The following COLGALT2 variants were observed in gnomAD, a reference collection of about 807,000 sequenced individuals.
COLGALT2 encodes collagen beta(1-O)galactosyltransferase 2.
In COLGALT2, 49 loss-of-function variants were observed where a neutral mutation model predicts 73.4. The ratio of observed to expected loss-of-function variants is 0.67; its 90% confidence interval spans 0.53 to 0.85. The LOEUF is 0.85. Ranked by LOEUF, COLGALT2 falls within the 40% of genes least tolerant of loss-of-function variation. The pLI is 0.00. For synonymous variants in COLGALT2, 295 were observed against 307.6 expected, an observed-to-expected ratio of 0.96 and a Z score of 0.43; for missense variants, 722 against 790.2, an observed-to-expected ratio of 0.91 and a Z score of 1.03.
At chr1:183,974,928 G>T (rs1481914432) in intron 3 of COLGALT2, among the ~76,000 whole-genome samples, 169 bp downstream of exon 3, 7 of 152,130 alleles carry the variant, frequency 4.6e-5, no homozygotes, top group African/African-American at 1.4e-4. Context: ...AGTCCAGGTA[G>T]CCCAATTTTA....
chr1:183,933,596 C>T (rs1243353443), downstream of COLGALT2, among the ~76,000 whole-genome samples: 2 of 152,202 alleles, frequency 1.3e-5, no homozygotes, highest in Admixed American at 6.5e-5. Context: ...AAGAAACTGT[C>T]GCTGATTAAT....
intron 8 of COLGALT2, among the ~76,000 whole-genome samples, chr1:183,947,900 A>G (rs2102793524): frequency 6.6e-6 from 1 of 152,274 alleles, no homozygotes; most frequent in African/African-American, 2.4e-5. Flanking sequence ...TCAAGAATGA[A>G]AGAGGGGTCA....
chr1:183,961,326 T>C (rs902906471), intron 6 of COLGALT2, among the ~76,000 whole-genome samples: 2 of 152,118 alleles, frequency 1.3e-5, no homozygotes, highest in African/African-American at 4.8e-5. Context: ...AAATCTTTAT[T>C]GATGACACGT....
chr1:183,992,820 A>T (rs1382982140), intron 1 of COLGALT2, among the ~76,000 whole-genome samples: 1 of 152,144 alleles, frequency 6.6e-6, no homozygotes, highest in Non-Finnish European at 1.5e-5. Flanking sequence ...AATGGGTAAA[A>T]TCCCCCAGTT....
intron 1 of COLGALT2, among the ~76,000 whole-genome samples, chr1:184,024,181 A>G (rs1649259464): frequency 6.6e-6 from 1 of 152,148 alleles, no homozygotes. Context: ...AGCCTATGCA[A>G]CCCTCATTGT....
chr1:184,013,266 G>C (rs1648871259), intron 1 of COLGALT2, among the ~76,000 whole-genome samples: 1 of 152,250 alleles, frequency 6.6e-6, no homozygotes, highest in African/African-American at 2.4e-5. Context: ...AGCGAGCCAA[G>C]ACTGTGCCAC....
At chr1:184,032,124 G>C (rs1649532898) in intron 1 of COLGALT2, among the ~76,000 whole-genome samples, 1 of 151,908 alleles carries the variant, frequency 6.6e-6, no homozygotes, top group Admixed American at 6.5e-5. Flanking sequence ...GAACTCCTTG[G>C]CTTAAGAAAT....
intron 1 of COLGALT2, among the ~76,000 whole-genome samples, chr1:184,024,934 A>G (rs917042040): frequency 6.6e-6 from 1 of 152,214 alleles, no homozygotes; most frequent in Non-Finnish European, 1.5e-5. Context: ...AGTCTGGCCA[A>G]TGGGCTTGGA....
At chr1:183,954,680 C>T in intron 7 of COLGALT2, 82 bp downstream of exon 7, 1 of 1,106,332 alleles carries the variant, frequency 9.0e-7, no homozygotes, top group Middle Eastern at 2.3e-4. Flanking sequence ...CTCTCAGATG[C>T]AAGCTCAGGC....
chr1:183,967,432 C>T (rs1670910353), intron 5 of COLGALT2, among the ~76,000 whole-genome samples: 1 of 152,218 alleles, frequency 6.6e-6, no homozygotes, highest in Middle Eastern at 3.2e-3. Context: ...TGGGTGTCTA[C>T]CTGCTTTCAA....
chr1:183,938,515 A>G lies in COLGALT2; in HGVS notation c.*246T>C. 7.3e-7 allele frequency: 1 copy of G among 1,372,698 alleles called. No individual in the cohort carries two copies. Among genetic ancestry groups the G allele is most frequent in the African/African-American group, 1.5e-5 (1 of 68,810 alleles). The allele number at this position is 1,372,698 out of a possible 1,614,324, so 85.0% of individuals were successfully genotyped here. A position where few individuals can be genotyped will look rare whatever the true frequency, so the allele number is the denominator to read the frequency against. ...CTGAAGAATTAGGTGTCTGGATTAC[A>G]GTTTATCTTAACAGTTTCCAAAAAA... On this transcript the variant is annotated 3_prime_UTR_variant, in exon 12 of 12. Coordinates refer to ENST00000361927, the MANE Select transcript of COLGALT2 (RefSeq NM_015101.4).
intron 1 of COLGALT2, among the ~76,000 whole-genome samples, chr1:184,000,209 C>T (rs765021992): frequency 3.9e-5 from 6 of 151,988 alleles, no homozygotes; most frequent in South Asian, 2.1e-4. Flanking sequence ...TTTTCAGTCT[C>T]GTTTTTTGGC....
intron 1 of COLGALT2, among the ~76,000 whole-genome samples, chr1:184,002,147 A>C (rs1671946202): frequency 6.6e-6 from 1 of 152,242 alleles, no homozygotes; most frequent in African/African-American, 2.4e-5. Context: ...CTCACTGTAC[A>C]TCCATCCTGG....
intron 1 of COLGALT2, among the ~76,000 whole-genome samples, chr1:184,024,655 C>CTTTTTTTTT (rs35844838): frequency 7.8e-6 from 1 of 128,300 alleles, no homozygotes; most frequent in Admixed American, 8.1e-5. Context: ...CCAGCCTCAG[C>CTTTTTTTTT]TTTTTTTTTT....
At chr1:183,943,473 A>G (rs962447143) in intron 10 of COLGALT2, among the ~76,000 whole-genome samples, 4 of 152,182 alleles carry the variant, frequency 2.6e-5, no homozygotes, top group African/African-American at 9.7e-5. Flanking sequence ...AGGAAGAAGA[A>G]AAAGGAAAGA....
intron 8 of COLGALT2, among the ~76,000 whole-genome samples, chr1:183,947,722 A>T (rs542817846): frequency 6.6e-6 from 1 of 152,312 alleles, no homozygotes; most frequent in South Asian, 2.1e-4. Flanking sequence ...AGCAAACAGG[A>T]GGAAGAAAAT....
intron 1 of COLGALT2, among the ~76,000 whole-genome samples, chr1:184,032,729 A>C (rs900427003): frequency 6.6e-6 from 1 of 152,270 alleles, no homozygotes; most frequent in Non-Finnish European, 1.5e-5. Context: ...TCAAGAGTGT[A>C]ATGATAAAAT....
intron 5 of COLGALT2, chr1:183,964,641 G>A (rs1670816016): frequency 6.6e-6 from 1 of 152,204 alleles, no homozygotes; most frequent in Non-Finnish European, 1.5e-5. Flanking sequence ...ATTTCAGAAT[G>A]TCCTGTTAAG....
intron 2 of COLGALT2, among the ~76,000 whole-genome samples, chr1:183,977,185 A>G (rs1312095577): frequency 6.6e-6 from 1 of 152,148 alleles, no homozygotes; most frequent in Non-Finnish European, 1.5e-5. Context: ...ATAAATTGCT[A>G]TGGTGGCCGG....
Sources: gnomAD v4.1 joint callset for allele counts (sites outside exome capture counted in the v4.1 genomes callset) on GRCh38, gnomAD v4.1.1 for gene constraint, MANE v1.5 for transcripts, NCBI Gene and HGNC (gene_info 2026-07-23, HGNC 2026-07-21) for gene names.